Variants in CCDC178 observed in about 807,000 individuals in gnomAD.
The protein encoded by CCDC178 is coiled-coil domain-containing protein 178.
Under a neutral mutation model 117.4 loss-of-function variants are expected in CCDC178, and 126 were observed. The ratio of observed to expected loss-of-function variants is 1.07; its 90% CI spans 0.93 to 1.24. CCDC178 has a LOEUF of 1.24. CCDC178 is among the 50% of genes most tolerant of loss of function. The pLI, the probability that CCDC178 is intolerant of heterozygous loss-of-function variation, is 0.00. For missense variants in CCDC178, 1,030 were observed against 986.9 expected (o/e 1.04, Z -0.59); for synonymous variants, 283 against 313.4 (o/e 0.90, Z 1.02).
At chr18:33,155,881 A>G (rs1173611455) in intron 20 of CCDC178, among the ~76,000 whole-genome samples, 10 of 152,060 alleles carry the variant, frequency 6.6e-5, no homozygotes, top group Admixed American at 6.6e-4. Context: ...TAAATGACTG[A>G]AAAAGTTGGT....
At chr18:33,025,643 T>C (rs1461787543) in intron 21 of CCDC178, among the ~76,000 whole-genome samples, 1 of 152,164 alleles carries the variant, frequency 6.6e-6, no homozygotes, top group Non-Finnish European at 1.5e-5. Context: ...CATGAAGAGA[T>C]GCCCAACATC....
chr18:33,017,343 A>T (rs1484419221), intron 21 of CCDC178, among the ~76,000 whole-genome samples: 2 of 151,926 alleles, frequency 1.3e-5, no homozygotes, highest in African/African-American at 4.8e-5. Flanking sequence ...TTCCAACAAA[A>T]TAGCATCAAA....
At chr18:32,967,749 T>G (rs1472580582) in intron 22 of CCDC178, among the ~76,000 whole-genome samples, 3 of 151,758 alleles carry the variant, frequency 2.0e-5, no homozygotes, top group Non-Finnish European at 2.9e-5. Context: ...ATTTTGAAAC[T>G]GACAAATTTT....
chr18:33,075,677 T>C (rs1045218089), intron 21 of CCDC178, among the ~76,000 whole-genome samples: 4 of 152,156 alleles, frequency 2.6e-5, no homozygotes, highest in Admixed American at 2.6e-4. Flanking sequence ...TAAAATTATG[T>C]AGTTATTGGC....
intron 5 of CCDC178, 64 bp downstream of exon 5, chr18:33,389,476 G>T: frequency 1.5e-6 from 1 of 681,502 alleles, no homozygotes; most frequent in Non-Finnish European, 2.2e-6. Context: ...TGACATTATA[G>T]ACTAATGAGA....
At chr18:33,157,401 A>G (rs759116337) in intron 20 of CCDC178, among the ~76,000 whole-genome samples, 1 of 152,186 alleles carries the variant, frequency 6.6e-6, no homozygotes, top group Non-Finnish European at 1.5e-5. Flanking sequence ...ATTAGGTTCT[A>G]TGCTTTCTGT....
rs777899344 is a variant in CCDC178 at position 33,328,099 on chromosome 18, T to G, written c.880-4466A>C. On this transcript the variant is annotated intron_variant, in intron 10 of 22. Coordinates refer to ENST00000383096, the MANE Select transcript of CCDC178 (RefSeq NM_001105528.4). ...TATCCCTAGATTTTTTTTTTTTTTT[T>G]TTTTTTTTTTTTTTTTTTTTTGAGA... The G allele has an allele frequency of 1.6e-3, 273 of 174,474 alleles. 2 individuals are homozygous for G. Among genetic ancestry groups the G allele is most frequent in the Non-Finnish European group, 1.8e-3 (195 of 105,510 alleles). The allele number at this position is 174,474 out of a possible 1,614,324, so 10.8% of individuals were successfully genotyped here.
At chr18:33,211,315 A>C (rs1185251425) in intron 20 of CCDC178, among the ~76,000 whole-genome samples, 1 of 151,904 alleles carries the variant, frequency 6.6e-6, no homozygotes, top group Non-Finnish European at 1.5e-5. Flanking sequence ...CTATTGCAAA[A>C]TTTAAAATGG....
At chr18:33,158,223 T>C (rs888168909) in intron 20 of CCDC178, among the ~76,000 whole-genome samples, 3 of 152,164 alleles carry the variant, frequency 2.0e-5, no homozygotes, top group African/African-American at 7.2e-5. Flanking sequence ...TGACTGTTTC[T>C]TCAAGATGTA....
chr18:33,044,121 T>C lies in CCDC178; in HGVS notation c.2388+48640A>G, dbSNP rs146306843. Among the ~76,000 whole-genome samples, 558 of 151,502 alleles carry C rather than the reference T, an allele frequency of 3.7e-3. 1 individual carries two copies. The highest frequency in any genetic ancestry group is 6.3e-3 in the Non-Finnish European group (424 of 67,766). ...TATGTATGTATAAAACTTGGGAAAA[T>C]AAATAATTTAACCTCTCCAAGTTTA... On this transcript the variant is annotated intron_variant, in intron 21 of 22. Transcript: ENST00000383096.
intron 14 of CCDC178, among the ~76,000 whole-genome samples, chr18:33,259,147 G>C (rs975615827): frequency 6.6e-6 from 1 of 152,096 alleles, no homozygotes; most frequent in Non-Finnish European, 1.5e-5. Context: ...ACATCACAAG[G>C]CCATATTACT....
At chr18:32,990,396 TA>T (rs766238641) in intron 21 of CCDC178, among the ~76,000 whole-genome samples, 1 of 152,110 alleles carries the variant, frequency 6.6e-6, no homozygotes, top group Non-Finnish European at 1.5e-5. Flanking sequence ...TGTTTTGGTA[TA>T]AGAATAGACG....
intron 6 of CCDC178, among the ~76,000 whole-genome samples, chr18:33,360,654 G>A (rs905618811): frequency 2.0e-5 from 3 of 151,610 alleles, no homozygotes; most frequent in South Asian, 4.1e-4. Context: ...AATAAATTCA[G>A]CAGTTGCAAG....
intron 17 of CCDC178, 48 bp from the exon 18 acceptor site, chr18:33,223,267 A>G: frequency 6.6e-7 from 1 of 1,523,976 alleles, no homozygotes. Flanking sequence ...CAACCCAGTT[A>G]TCCTCATTTA....
At chr18:33,395,813 T>C (rs1445951693) in intron 4 of CCDC178, among the ~76,000 whole-genome samples, 1 of 152,162 alleles carries the variant, frequency 6.6e-6, no homozygotes, top group Non-Finnish European at 1.5e-5. Flanking sequence ...ACACCATAAC[T>C]TAAATAGCAC....
chr18:33,086,969 G>GACACACACACACAC (rs71949744), intron 21 of CCDC178, among the ~76,000 whole-genome samples: 2 of 124,030 alleles, frequency 1.6e-5, no homozygotes, highest in African/African-American at 6.1e-5. Context: ...GCTATTGGTT[G>GACACACACACACAC]ACACACACAC....
intron 11 of CCDC178, among the ~76,000 whole-genome samples, chr18:33,302,116 G>A (rs2062185052): frequency 6.6e-6 from 1 of 152,072 alleles, no homozygotes; most frequent in Non-Finnish European, 1.5e-5. Flanking sequence ...TTAAAAGTGT[G>A]TGACACCTCC....
intron 20 of CCDC178, among the ~76,000 whole-genome samples, chr18:33,106,522 AG>A (rs1173081718): frequency 6.6e-6 from 1 of 151,730 alleles, no homozygotes; most frequent in Admixed American, 6.6e-5. Flanking sequence ...TATTTTGAAT[AG>A]GAACACTTAT....
intron 2 of CCDC178, among the ~76,000 whole-genome samples, chr18:33,421,719 A>C (rs950863990): frequency 1.3e-5 from 2 of 152,206 alleles, no homozygotes; most frequent in African/African-American, 4.8e-5. Flanking sequence ...GAGCTGGGTT[A>C]GGTTATCAAT....
Sources: gnomAD v4.1 joint callset for allele counts (sites outside exome capture counted in the v4.1 genomes callset) on GRCh38, gnomAD v4.1.1 for gene constraint, MANE v1.5 for transcripts, NCBI Gene and HGNC (gene_info 2026-07-23, HGNC 2026-07-21) for gene names.